TENM1: variants seen among roughly 807,000 people sequenced by gnomAD.
TENM1 encodes teneurin transmembrane protein 1, also known as teneurin-1.
A neutral mutation model predicts 174.8 loss-of-function variants in TENM1; 35 were observed. The observed-to-expected ratio is 0.20, with a 90% CI of 0.15 to 0.27. The LOEUF (loss-of-function observed/expected upper bound fraction) is 0.27. TENM1 is among the 10% of genes least tolerant of loss of function. The pLI, the probability that TENM1 is intolerant of heterozygous loss-of-function variation, is 1.00. For missense variants in TENM1, 1,633 were observed against 2,130.1 expected, an observed-to-expected ratio of 0.77 and a Z score of 4.59; for synonymous variants, 781 against 798.7, an observed-to-expected ratio of 0.98 and a Z score of 0.37.
At chrX:124,532,442 C>T (rs928947186) in intron 15 of TENM1, among the ~76,000 whole-genome samples, 1 of 111,693 alleles carries the variant, frequency 9.0e-6, no homozygotes, top group South Asian at 3.8e-4. Flanking sequence ...TTATTCTGTG[C>T]ATTTCCCTTG....
the TENM1 span, among the ~76,000 whole-genome samples, chrX:125,095,903 T>G: frequency 6.3e-5 from 7 of 111,373 alleles, no homozygotes; most frequent in African/African-American, 2.3e-4. Context: ...TAGGGAAACA[T>G]GATTTGGCTC....
intron 19 of TENM1, among the ~76,000 whole-genome samples, chrX:124,498,672 G>A (rs2147985061): frequency 9.2e-6 from 1 of 108,943 alleles, no homozygotes; most frequent in African/African-American, 3.3e-5. Flanking sequence ...CTCAGCTCCA[G>A]TTTTCCTCAA....
chrX:125,112,943 T>C, the TENM1 span, among the ~76,000 whole-genome samples: 2 of 110,705 alleles, frequency 1.8e-5, no homozygotes, highest in Admixed American at 1.9e-4. Context: ...TGGTAGAAAT[T>C]GACGAGCCAA....
intron 4 of TENM1, among the ~76,000 whole-genome samples, chrX:124,727,618 G>A (rs985886637): frequency 1.8e-5 from 2 of 111,528 alleles, no homozygotes; most frequent in African/African-American, 6.5e-5. Context: ...TTAATTGGGT[G>A]TTAAAGGCAG....
In TENM1 at chrX:124,634,810, C is replaced by T. The variant is rs2050840397; in HGVS notation, c.2077+6981G>A. Among the ~76,000 whole-genome samples, 6 of 111,654 alleles carry T rather than the reference C, an allele frequency of 5.4e-5. No homozygotes were observed. The Admixed American group carries it at 5.7e-4, about 11-fold the overall frequency. ...TACTTGTATAATCAAGGAAAGTTTC[C>T]TCAGCAACAACAATTATATAAACCT... is the stretch of plus-strand genomic sequence containing the variant. On this transcript the variant is annotated intron_variant, in intron 11 of 31. Coordinates refer to ENST00000422452, the Ensembl canonical transcript of TENM1.
At position 124,501,342 on chromosome X, in the gene TENM1, G is replaced by C. The variant is rs923920233; in HGVS notation, c.3445+2218C>G. On this transcript the variant is annotated intron_variant, in intron 19 of 31. Transcript: ENST00000422452. ...CTTTATATATCAGGCCTAATATTGG[G>C]AAACAATTCTCCACAACCAATGGTT... Among the ~76,000 whole-genome samples the C allele has an allele frequency of 2.7e-5, 3 of 111,498 alleles. No homozygotes were observed. The Admixed American group carries it at 2.9e-4, about 11-fold the overall frequency.
intron 18 of TENM1, among the ~76,000 whole-genome samples, chrX:124,513,094 A>G (rs1281738770): frequency 1.8e-5 from 2 of 111,932 alleles, no homozygotes; most frequent in African/African-American, 6.5e-5. Context: ...AACAAGAAAA[A>G]TTTCTCATCT....
exon 16 of TENM1, chrX:124,529,934 G>A: frequency 3.3e-6 from 4 of 1,210,507 alleles, no homozygotes; most frequent in Non-Finnish European, 4.5e-6. Flanking sequence ...ACTCCCACTA[G>A]AGGAGTTCCA....
the TENM1 span, among the ~76,000 whole-genome samples, chrX:125,139,245 A>AT: frequency 9.0e-6 from 1 of 111,613 alleles, no homozygotes; most frequent in South Asian, 3.8e-4. Flanking sequence ...ACAAAACAGA[A>AT]TATGAAGTGA....
At chrX:124,588,599 G>A (rs1454951942) in intron 11 of TENM1, among the ~76,000 whole-genome samples, 1 of 110,068 alleles carries the variant, frequency 9.1e-6, no homozygotes, top group Non-Finnish European at 1.9e-5. Context: ...GCTAAATGAC[G>A]AGTTAATGGG....
chrX:124,471,446 T>C (rs1164025076), intron 22 of TENM1, among the ~76,000 whole-genome samples: 2 of 43,578 alleles, frequency 4.6e-5, no homozygotes, highest in Admixed American at 4.2e-4. Flanking sequence ...TAATATATAG[T>C]ACTATATATA....
chrX:125,107,739 T>C, the TENM1 span, among the ~76,000 whole-genome samples: 1 of 112,077 alleles, frequency 8.9e-6, no homozygotes, highest in Non-Finnish European at 1.9e-5. Flanking sequence ...GATAATTTGA[T>C]AGAGATCAGA....
chrX:125,068,358 G>A, the TENM1 span, among the ~76,000 whole-genome samples: 1 of 111,644 alleles, frequency 9.0e-6, no homozygotes, highest in Admixed American at 9.6e-5. Context: ...AGGGTGAGAA[G>A]AAAGGTAAAT....
intron 3 of TENM1, among the ~76,000 whole-genome samples, chrX:124,836,117 G>A (rs1407136187): frequency 8.9e-6 from 1 of 112,157 alleles, no homozygotes; most frequent in African/African-American, 3.2e-5. Flanking sequence ...ACCAAGAACT[G>A]CTGTCTAAAA....
rs1394622777 is a variant in TENM1 at position 124,515,504 on chromosome X, T to C, written c.3301+5013A>G. ...TGATAACTTCAGCAAAGTTTCAGGA[T>C]ACAAAATCAATGTACAAAAATCACT... On this transcript the variant is annotated intron_variant, in intron 18 of 31. Transcript: ENST00000422452. Among the ~76,000 whole-genome samples, 6 of 111,852 alleles carry C rather than the reference T, an allele frequency of 5.4e-5. No individual in the cohort carries two copies. In the Admixed American group the frequency reaches 5.7e-4, roughly 11 times the overall value.
At chrX:124,456,194 T>C (rs780627534) in intron 22 of TENM1, among the ~76,000 whole-genome samples, 2 of 112,194 alleles carry the variant, frequency 1.8e-5, no homozygotes, top group Non-Finnish European at 3.8e-5. Flanking sequence ...GTTTGTAGAA[T>C]ATTTTCCTTT....
At chrX:124,786,235 C>CAGTT (rs2055033440) in intron 3 of TENM1, among the ~76,000 whole-genome samples, 1 of 110,883 alleles carries the variant, frequency 9.0e-6, no homozygotes, top group South Asian at 3.8e-4. Flanking sequence ...CAGGAAGACA[C>CAGTT]GAATAAATAG....
chrX:125,073,278 C>T, the TENM1 span, among the ~76,000 whole-genome samples: 3 of 110,716 alleles, frequency 2.7e-5, no homozygotes, highest in Non-Finnish European at 5.7e-5. Flanking sequence ...TCTTTGGGGA[C>T]GCGGGATACA....
the TENM1 span, among the ~76,000 whole-genome samples, chrX:125,157,439 A>T: frequency 8.9e-6 from 1 of 112,232 alleles, no homozygotes; most frequent in Non-Finnish European, 1.9e-5. Context: ...CTGCATGCAG[A>T]TAGACATTTA....
Sources: allele counts gnomAD v4.1 joint callset (sites outside exome capture counted in the v4.1 genomes callset), GRCh38; gene constraint gnomAD v4.1.1; transcripts MANE v1.5; gene names NCBI Gene and HGNC (gene_info 2026-07-23, HGNC 2026-07-21).